Variants in COL24A1 observed in about 807,000 individuals in gnomAD.
COL24A1 encodes collagen type XXIV alpha 1 chain, also known as collagen alpha-1(XXIV) chain.
A neutral mutation model predicts 253.9 loss-of-function variants in COL24A1; 224 were observed. The ratio of observed to expected loss-of-function variants is 0.88; its 90% confidence interval spans 0.79 to 0.99. The LOEUF is 0.99. COL24A1 is among the 50% of genes least tolerant of loss of function. The pLI is 0.00. For missense variants in COL24A1, 2,131 were observed against 2,068.5 expected (o/e 1.03, Z -0.59); for synonymous variants, 685 against 673.7 (o/e 1.02, Z -0.26).
intron 3 of COL24A1, among the ~76,000 whole-genome samples, chr1:86,120,749 C>T (rs960728842): frequency 2.0e-5 from 3 of 152,160 alleles, no homozygotes; most frequent in Admixed American, 2.0e-4. Context: ...CCTCAAGGAT[C>T]TAGAACTAGA....
chr1:86,026,248 G>A (rs7411998), intron 14 of COL24A1, among the ~76,000 whole-genome samples: 13,204 of 152,142 alleles, frequency 0.087, 705 homozygotes, highest in Middle Eastern at 0.19. Context: ...TACTTTGAAA[G>A]GTAGAAAGGA....
chr1:86,017,347 T>C (rs1417442572), intron 18 of COL24A1, 143 bp from the exon 19 acceptor site: 13 of 738,370 alleles, frequency 1.8e-5, no homozygotes, highest in South Asian at 1.1e-4. Flanking sequence ...TTAGAAAAAT[T>C]TGTAACCATC....
chr1:86,009,115 G>A (rs932770982), intron 19 of COL24A1, among the ~76,000 whole-genome samples: 1 of 152,160 alleles, frequency 6.6e-6, no homozygotes, highest in African/African-American at 2.4e-5. Flanking sequence ...ATAGATTGAT[G>A]TTAAGGTTTA....
intron 19 of COL24A1, among the ~76,000 whole-genome samples, chr1:85,992,221 C>T (rs7411585): frequency 0.46 from 70,256 of 151,204 alleles, 16,617 homozygotes; most frequent in East Asian, 0.6. Context: ...TGGTTTCCAG[C>T]TTCATCCATG....
intron 20 of COL24A1, among the ~76,000 whole-genome samples, chr1:85,985,136 AG>A (rs1693608740): frequency 6.6e-6 from 1 of 151,878 alleles, no homozygotes; most frequent in Non-Finnish European, 1.5e-5. Flanking sequence ...AGTGCTTGAT[AG>A]GTTTTTTTTC....
rs1686801923 is a variant in COL24A1, at chr1:85,923,590, A to G, written c.2563-12157T>C. Among the ~76,000 whole-genome samples, 3 of 152,218 alleles carry G rather than the reference A, an allele frequency of 2.0e-5. No individual in the cohort carries two copies. The South Asian group carries it at 6.2e-4, about 32-fold the overall frequency. ...TGACTACTGGGCAAACAACAAAATG[A>G]AAGCAGAAATAAAGATGTTCTTTGA... On this transcript the variant is annotated intron_variant, in intron 24 of 59. Coordinates refer to ENST00000370571, the MANE Select transcript of COL24A1 (RefSeq NM_152890.7).
Position 85,737,532 on chromosome 1 carries a change from T to A in COL24A1, c.4673-27A>T, listed in dbSNP as rs768632246. On this transcript the variant is annotated intron_variant, in intron 57 of 59. Coordinates refer to ENST00000370571, the MANE Select transcript of COL24A1 (RefSeq NM_152890.7). ...TAATAATTTATAGTAAAACATAAAG[T>A]TAAAGTTATTAAATGCCATAATCCT... 5 of 1,420,358 alleles carry A rather than the reference T, an allele frequency of 3.5e-6. No homozygotes were observed. In the Admixed American group the frequency reaches 9.2e-5, roughly 26 times the overall value. 88.0% of individuals were successfully genotyped at this position (1,420,358 alleles called of 1,614,324 possible).
intron 19 of COL24A1, among the ~76,000 whole-genome samples, chr1:85,988,982 T>C (rs1487084884): frequency 1.3e-5 from 2 of 152,196 alleles, no homozygotes; most frequent in Non-Finnish European, 2.9e-5. Context: ...ACAAACTTGT[T>C]GATTGCTTTA....
At chr1:85,969,773 A>G (rs893242343) in intron 22 of COL24A1, among the ~76,000 whole-genome samples, 1 of 152,062 alleles carries the variant, frequency 6.6e-6, no homozygotes, top group Non-Finnish European at 1.5e-5. Context: ...TATACCAAAA[A>G]TGTTTAAATA....
intron 2 of COL24A1, among the ~76,000 whole-genome samples, chr1:86,136,759 C>A (rs1170076355): frequency 1.3e-5 from 2 of 152,102 alleles, no homozygotes; most frequent in Non-Finnish European, 2.9e-5. Context: ...ACTAATTAAT[C>A]ATGGCAGTAT....
chr1:86,058,012 T>TACTTTTTAAAGTACTTTAAAAAGTA (rs773112590), intron 9 of COL24A1, 37 bp from the exon 10 acceptor site: 50 of 1,566,604 alleles, frequency 3.2e-5, no homozygotes, highest in Non-Finnish European at 4.1e-5. Flanking sequence ...CATACTACAG[T>TACTTTTTAAAGTACTTTAAAAAGTA]ACTTTTTAAA....
In COL24A1 at chr1:85,813,688, C is replaced by T. The variant is rs1672794512; in HGVS notation, c.3951+3100G>A. 2.7e-5 allele frequency among the ~76,000 whole-genome samples: 4 copies of T among 148,610 alleles called. No homozygotes were observed. The South Asian group carries it at 8.6e-4, about 32-fold the overall frequency. On this transcript the variant is annotated intron_variant, in intron 47 of 59. Transcript: ENST00000370571. ...GCCTCAGCCTCCCAAGTAGCTGGGA[C>T]GACAGGCGCCCGCCACTACGCCCGG...
In COL24A1 at chr1:85,875,203, G is replaced by C. The variant is rs1680996113; in HGVS notation, c.3084+74C>G. ...TGCTTTCAAGTTAGCAAATATAGGG[G>C]ATTCAATGGTAGCAAATGTAGGGGG... On this transcript the variant is annotated intron_variant, in intron 34 of 59. Coordinates refer to ENST00000370571, the MANE Select transcript of COL24A1 (RefSeq NM_152890.7). 4.7e-6 allele frequency: 6 copies of C among 1,277,162 alleles called. No individual in the cohort carries two copies. The South Asian group carries it at 6.1e-5, about 13-fold the overall frequency. 79.1% of individuals were successfully genotyped at this position (1,277,162 alleles called of 1,614,324 possible).
chr1:85,861,369 T>C (rs1485720734), intron 37 of COL24A1, among the ~76,000 whole-genome samples: 1 of 152,166 alleles, frequency 6.6e-6, no homozygotes, highest in Non-Finnish European at 1.5e-5. Flanking sequence ...TCCCTTATCA[T>C]ATATGATTTT....
chr1:85,894,256 G>T (rs1310603059), intron 31 of COL24A1, among the ~76,000 whole-genome samples: 2 of 152,136 alleles, frequency 1.3e-5, no homozygotes, highest in Non-Finnish European at 2.9e-5. Flanking sequence ...CATATTTAAT[G>T]TCCAACCATG....
At chr1:85,772,359 G>C (rs1320007062) in intron 53 of COL24A1, among the ~76,000 whole-genome samples, 1 of 151,504 alleles carries the variant, frequency 6.6e-6, no homozygotes, top group Non-Finnish European at 1.5e-5. Context: ...ACTGTTGGTG[G>C]GACTGTAAAC....
chr1:85,849,374 T>C lies in COL24A1; in HGVS notation c.3333A>G (p.Gln1111=). The C allele has an allele frequency of 6.2e-7, 1 of 1,613,028 alleles. No homozygotes were observed. Among genetic ancestry groups the C allele is most frequent in the Non-Finnish European group, 8.5e-7 (1 of 1,179,372 alleles). ...GPEGIVGIPG[Q]RGRPGKKGDK... ...TTACCTTTTTTCCTGGACGACCTCT[T>C]TGCCCTGGAATTCCCACAATTCCTT... The change falls in exon 38 of 60, where the codon CAA becomes CAG. Residue 1111 remains glutamine (Q), a synonymous_variant. Transcript: ENST00000370571.
At chr1:86,123,181 T>C (rs577473172) in intron 3 of COL24A1, among the ~76,000 whole-genome samples, 1 of 152,060 alleles carries the variant, frequency 6.6e-6, no homozygotes, top group East Asian at 1.9e-4. Context: ...CAATAAATGA[T>C]AGCTATTATG....
intron 19 of COL24A1, among the ~76,000 whole-genome samples, chr1:86,016,398 C>T (rs765251517): frequency 1.3e-5 from 2 of 152,166 alleles, no homozygotes; most frequent in Non-Finnish European, 2.9e-5. Flanking sequence ...TATTCTGATG[C>T]CAATTATTTT....
Sources: allele counts gnomAD v4.1 joint callset (sites outside exome capture counted in the v4.1 genomes callset), GRCh38; gene constraint gnomAD v4.1.1; transcripts MANE v1.5; gene names NCBI Gene and HGNC (gene_info 2026-07-23, HGNC 2026-07-21).